The following PGBD5 variants were observed in gnomAD, a reference collection of about 807,000 sequenced individuals.
The protein encoded by PGBD5 is piggyBac transposable element-derived protein 5.
Under a neutral mutation model 47.9 loss-of-function variants are expected in PGBD5, and 14 were observed. The ratio of observed to expected loss-of-function variants is 0.29; its 90% CI spans 0.19 to 0.46. PGBD5 has a LOEUF of 0.46. PGBD5 is among the 20% of genes least tolerant of loss of function. The pLI is 1.00. For missense variants in PGBD5, 635 were observed against 716.0 expected, an observed-to-expected ratio of 0.89 and a Z score of 1.29; for synonymous variants, 316 against 306.3, an observed-to-expected ratio of 1.03 and a Z score of -0.33.
rs561257177 is a variant in PGBD5, at chr1:230,339,560, A to G, written c.895-2272T>C. On this transcript the variant is annotated intron_variant, in intron 3 of 6. Coordinates refer to ENST00000391860, the MANE Select transcript of PGBD5 (RefSeq NM_001258311.2). ...ATCTCTAAGAGATACCTGCACTCCC[A>G]CGTTCACTGCTGCATTATTCACAAT... Among the ~76,000 whole-genome samples the G allele has an allele frequency of 4.6e-5, 7 of 152,350 alleles. No individual in the cohort carries two copies. The East Asian group carries it at 1.4e-3, about 29-fold the overall frequency.
chr1:230,365,658 T>C (rs548219745), intron 1 of PGBD5, among the ~76,000 whole-genome samples: 8 of 152,284 alleles, frequency 5.3e-5, no homozygotes, highest in Admixed American at 2.0e-4. Flanking sequence ...AAGTCAACCA[T>C]GGAGCAGCGG....
intron 3 of PGBD5, among the ~76,000 whole-genome samples, chr1:230,347,213 T>C (rs1271326457): frequency 6.6e-6 from 1 of 152,128 alleles, no homozygotes; most frequent in Non-Finnish European, 1.5e-5. Flanking sequence ...GTAGCCAGGA[T>C]TCTCCCGAGA....
intron 2 of PGBD5, among the ~76,000 whole-genome samples, chr1:230,354,968 G>C (rs957149895): frequency 6.6e-6 from 1 of 152,208 alleles, no homozygotes; most frequent in African/African-American, 2.4e-5. Context: ...GAAGGCAAAA[G>C]TAAAGGGGAA....
intron 5 of PGBD5, among the ~76,000 whole-genome samples, chr1:230,329,766 T>G (rs964164698): frequency 6.6e-6 from 1 of 152,238 alleles, no homozygotes; most frequent in Non-Finnish European, 1.5e-5. Flanking sequence ...CAACCCAGCC[T>G]GGCCACTAAA....
At chr1:230,331,580 C>T (rs574267702) in intron 5 of PGBD5, among the ~76,000 whole-genome samples, 54 of 152,140 alleles carry the variant, frequency 3.5e-4, no homozygotes, top group Non-Finnish European at 6.0e-4. Flanking sequence ...CAATTCCAAG[C>T]CTTTCTTTTC....
At chr1:230,332,315 G>T (rs1667233416) in intron 5 of PGBD5, among the ~76,000 whole-genome samples, 1 of 152,242 alleles carries the variant, frequency 6.6e-6, no homozygotes, top group African/African-American at 2.4e-5. Flanking sequence ...GTTTAGTGAT[G>T]ATTTCACTGT....
At position 230,319,052 on chromosome 1, in the gene PGBD5, C is replaced by T. The variant is rs1666994428; in HGVS notation, c.*4373G>A. 2 of 152,290 alleles carry T rather than the reference C, an allele frequency of 1.3e-5. No homozygotes were observed. Among genetic ancestry groups the T allele is most frequent in the South Asian group, 4.1e-4 (2 of 4,830 alleles). The allele number at this position is 152,290 out of a possible 1,614,324, so 9.4% of individuals were successfully genotyped here. On this transcript the variant is annotated 3_prime_UTR_variant, in exon 7 of 7. Coordinates refer to ENST00000391860, the MANE Select transcript of PGBD5 (RefSeq NM_001258311.2). ...TCCCCCACAAAGTTGTCAGGTAAGTCAGGGATAAAATCCCCCGTCCTCGTG... is the reference window on the plus strand; with the variant it reads ...TCCCCCACAAAGTTGTCAGGTAAGTTAGGGATAAAATCCCCCGTCCTCGTG...
intron 1 of PGBD5, among the ~76,000 whole-genome samples, chr1:230,388,847 A>T (rs1487437438): frequency 1.3e-5 from 2 of 152,186 alleles, no homozygotes. Context: ...GCAGCAAAGG[A>T]GCTGCTAGCA....
intron 1 of PGBD5, among the ~76,000 whole-genome samples, chr1:230,371,743 T>C (rs1396774451): frequency 1.3e-5 from 2 of 152,212 alleles, no homozygotes; most frequent in African/African-American, 4.8e-5. Context: ...GGATAACATA[T>C]TTCCAAGAGA....
At chr1:230,414,347 A>G (rs1657473047) in intron 1 of PGBD5, among the ~76,000 whole-genome samples, 1 of 151,992 alleles carries the variant, frequency 6.6e-6, no homozygotes, top group African/African-American at 2.4e-5. Context: ...CCCACACACT[A>G]CCTTCAGAAA....
intron 1 of PGBD5, among the ~76,000 whole-genome samples, chr1:230,388,355 C>T (rs1261365914): frequency 2.0e-5 from 3 of 151,800 alleles, no homozygotes; most frequent in Non-Finnish European, 2.9e-5. Flanking sequence ...CACTCAGACG[C>T]GCACTGAATC....
chr1:230,418,202 AG>A (rs1345425691), intron 1 of PGBD5, among the ~76,000 whole-genome samples: 3 of 152,214 alleles, frequency 2.0e-5, no homozygotes. Flanking sequence ...ACATGGCCCA[AG>A]GAAGTGATGT....
intron 5 of PGBD5, among the ~76,000 whole-genome samples, chr1:230,326,879 C>T (rs1571822173): frequency 1.3e-5 from 2 of 152,132 alleles, no homozygotes; most frequent in Non-Finnish European, 2.9e-5. Context: ...GGCCCTACAC[C>T]CTCAAACACC....
rs1278063324 is a variant in PGBD5, at chr1:230,322,570, G to C, written c.*855C>G. 1 of 152,752 alleles carries C rather than the reference G, an allele frequency of 6.5e-6. No individual in the cohort carries two copies. The highest frequency in any genetic ancestry group is 1.5e-5 in the Non-Finnish European group (1 of 68,050). The allele number at this position is 152,752 out of a possible 1,614,324, so 9.5% of individuals were successfully genotyped here. On this transcript the variant is annotated 3_prime_UTR_variant, in exon 7 of 7. Coordinates refer to ENST00000391860, the MANE Select transcript of PGBD5 (RefSeq NM_001258311.2). The surrounding 1 kb of genome is among the most constrained non-coding windows in gnomAD (Gnocchi z 5.9). Reference sequence around the variant, plus strand: ...CGTGGAGAGCAACCACGTCTGTTCGGAAGCCAGCGGCCCTTCCCGGCCCTG... The same window carrying C: ...CGTGGAGAGCAACCACGTCTGTTCGCAAGCCAGCGGCCCTTCCCGGCCCTG...
rs1160358266 is a variant in PGBD5, at chr1:230,315,919, T to C, written c.*7506A>G. The C allele has an allele frequency of 1.5e-5, 2 of 130,516 alleles. No homozygotes were observed. Among genetic ancestry groups the C allele is most frequent in the African/African-American group, 2.7e-5 (1 of 37,288 alleles). The allele number at this position is 130,516 out of a possible 1,614,324, so 8.1% of individuals were successfully genotyped here. A position where few individuals can be genotyped will look rare whatever the true frequency, so the allele number is the denominator to read the frequency against. ...ATGTGTACACATATATGTATATGTG[T>C]ATATGTGTACACATATATGTATGTG... is the stretch of plus-strand genomic sequence containing the variant. On this transcript the variant is annotated 3_prime_UTR_variant, in exon 7 of 7. Coordinates refer to ENST00000391860, the MANE Select transcript of PGBD5 (RefSeq NM_001258311.2).
chr1:230,404,207 T>C (rs1054012193), intron 1 of PGBD5, among the ~76,000 whole-genome samples: 13 of 152,026 alleles, frequency 8.6e-5, no homozygotes, highest in African/African-American at 3.1e-4. Flanking sequence ...TCTAGATACA[T>C]GCCATGAGAA....
intron 1 of PGBD5, among the ~76,000 whole-genome samples, chr1:230,423,866 G>A (rs188264987): frequency 2.6e-4 from 39 of 152,318 alleles, no homozygotes; most frequent in Admixed American, 4.6e-4. Context: ...TGAACCTAAC[G>A]CTAAATGACA....
intron 1 of PGBD5, among the ~76,000 whole-genome samples, chr1:230,376,763 G>A (rs1380472692): frequency 1.3e-5 from 2 of 152,156 alleles, no homozygotes; most frequent in Non-Finnish European, 2.9e-5. Flanking sequence ...AGAATAAAGG[G>A]GTTGGACTAG....
chr1:230,361,659 A>C (rs1667743931), intron 1 of PGBD5, among the ~76,000 whole-genome samples: 1 of 152,344 alleles, frequency 6.6e-6, no homozygotes, highest in East Asian at 1.9e-4. Flanking sequence ...CCATTTATAA[A>C]GGGGATTGTA....
Sources: allele counts gnomAD v4.1 joint callset (sites outside exome capture counted in the v4.1 genomes callset), GRCh38; gene constraint gnomAD v4.1.1; non-coding constraint Gnocchi (gnomAD v3.1); transcripts MANE v1.5; gene names NCBI Gene and HGNC (gene_info 2026-07-23, HGNC 2026-07-21).